Variants in PRKAG2 observed in about 807,000 individuals in gnomAD.
PRKAG2 encodes the protein protein kinase AMP-activated non-catalytic subunit gamma 2, also known as 5'-AMP-activated protein kinase subunit gamma-2.
A neutral mutation model predicts 69.6 loss-of-function variants in PRKAG2; 26 were observed. That is an observed-to-expected ratio of 0.37 (90% CI 0.27 to 0.52). The LOEUF is 0.52. Ranked by LOEUF, PRKAG2 falls within the 20% of genes least tolerant of loss-of-function variation. The probability of loss-of-function intolerance (pLI) is 0.90; values close to 1 mark genes in which losing one functional copy is unlikely to be tolerated. For synonymous variants in PRKAG2, 293 were observed against 285.0 expected (o/e 1.03, Z -0.28); for missense variants, 557 against 740.0 (o/e 0.75, Z 2.87).
intron 3 of PRKAG2, among the ~76,000 whole-genome samples, chr7:151,757,278 C>G (rs568694686): frequency 6.6e-6 from 1 of 152,274 alleles, no homozygotes; most frequent in African/African-American, 2.4e-5. Context: ...AAAATAAACT[C>G]AAGTTGCTGG....
At chr7:151,566,713 GAAA>G in intron 11 of PRKAG2, 1 of 287,434 alleles carries the variant, frequency 3.5e-6, no homozygotes, top group Non-Finnish European at 6.9e-6. Flanking sequence ...GAAATTTAGA[GAAA>G]AAAAAAAAGA....
chr7:151,587,705 C>T (rs1045885620), intron 6 of PRKAG2, among the ~76,000 whole-genome samples: 5 of 152,124 alleles, frequency 3.3e-5, no homozygotes, highest in South Asian at 2.1e-4. Flanking sequence ...TCCTCAAAAC[C>T]GTCAAGGTGT....
chr7:151,595,597 T>A lies in PRKAG2; in HGVS notation c.755-143A>T, dbSNP rs17848605. On this transcript the variant is annotated intron_variant, in intron 5 of 15. Transcript: ENST00000287878. ...AGTATGATCAAGGGCCAGGCAAGGA[T>A]GCTCACTCTCACTAATTCTATGAAC... 548 of 689,944 alleles carry A rather than the reference T, an allele frequency of 7.9e-4. 4 individuals carry two copies. In the East Asian group the frequency reaches 0.013, roughly 16 times the overall value. 42.7% of individuals were successfully genotyped at this position (689,944 alleles called of 1,614,324 possible). A position where few individuals can be genotyped will look rare whatever the true frequency, so the allele number is the denominator to read the frequency against.
At chr7:151,710,885 A>T (rs58090946) in intron 3 of PRKAG2, among the ~76,000 whole-genome samples, 2,967 of 152,300 alleles carry the variant, frequency 0.019, 93 homozygotes, top group African/African-American at 0.068. Context: ...GTAGGCAGAG[A>T]GTGTCAGCAG....
intron 1 of PRKAG2, among the ~76,000 whole-genome samples, chr7:151,802,913 T>C (rs1267936376): frequency 6.6e-6 from 1 of 151,074 alleles, no homozygotes; most frequent in Non-Finnish European, 1.5e-5. Context: ...GTTAAAGTTA[T>C]CATAGACATA....
At chr7:151,786,373 G>A (rs1326517969) in intron 2 of PRKAG2, 97 bp downstream of exon 2, 15 of 1,211,378 alleles carry the variant, frequency 1.2e-5, no homozygotes, top group East Asian at 7.5e-5. Flanking sequence ...GCGGGTGGGC[G>A]TGAGGGTGAA....
At chr7:151,560,300 G>T in intron 15 of PRKAG2, 1 of 1,443,116 alleles carries the variant, frequency 6.9e-7, no homozygotes, top group Non-Finnish European at 9.2e-7. Context: ...ACTGGACCTT[G>T]ATAGGATGCT....
At chr7:151,739,887 G>C (rs937991382) in intron 3 of PRKAG2, among the ~76,000 whole-genome samples, 1 of 152,152 alleles carries the variant, frequency 6.6e-6, no homozygotes, top group Non-Finnish European at 1.5e-5. Context: ...TCCAGAGACC[G>C]TGCCTTCCCC....
intron 14 of PRKAG2, 32 bp downstream of exon 14, chr7:151,564,046 T>C: frequency 6.2e-7 from 1 of 1,613,620 alleles, no homozygotes; most frequent in Non-Finnish European, 8.5e-7. Context: ...GCAGTGGACG[T>C]CGGGGGAGCA....
chr7:151,796,994 C>T (rs1301801966), intron 1 of PRKAG2, among the ~76,000 whole-genome samples: 2 of 152,124 alleles, frequency 1.3e-5, no homozygotes, highest in Non-Finnish European at 2.9e-5. Flanking sequence ...CCAGCCAATA[C>T]CAGCATAGAG....
intron 1 of PRKAG2, among the ~76,000 whole-genome samples, chr7:151,866,967 G>A (rs2080094827): frequency 6.6e-6 from 1 of 151,998 alleles, no homozygotes; most frequent in African/African-American, 2.4e-5. Flanking sequence ...AGCAGGCCTG[G>A]GTCCCAGAGC....
At chr7:151,649,983 C>T (rs576430540) in intron 4 of PRKAG2, among the ~76,000 whole-genome samples, 14 of 152,278 alleles carry the variant, frequency 9.2e-5, no homozygotes, top group Admixed American at 2.0e-4. Flanking sequence ...CCCTCACCTC[C>T]CCGACACACA....
chr7:151,762,097 C>T (rs953672405), intron 3 of PRKAG2, among the ~76,000 whole-genome samples: 29 of 152,168 alleles, frequency 1.9e-4, no homozygotes, highest in Admixed American at 3.9e-4. Flanking sequence ...AGCCACTGTC[C>T]GATGGGTTAG....
chr7:151,854,929 TAC>T lies in PRKAG2; in HGVS notation c.114+21576_114+21577del, dbSNP rs538152829. On this transcript the variant is annotated intron_variant, in intron 1 of 15. Transcript: ENST00000287878. ...GCTGGGGAAAGCACACACACCACTT[TAC>T]ACACACACCACCCTCCACCACTCTC... 1.4e-3 allele frequency among the ~76,000 whole-genome samples: 206 copies of T among 148,362 alleles called. 1 individual carries two copies. Among genetic ancestry groups the T allele is most frequent in the Non-Finnish European group, 2.4e-3 (154 of 65,516 alleles).
chr7:151,708,325 T>C (rs1170949820), intron 3 of PRKAG2, among the ~76,000 whole-genome samples: 2 of 152,188 alleles, frequency 1.3e-5, no homozygotes, highest in Non-Finnish European at 2.9e-5. Flanking sequence ...ACTCCTGGTG[T>C]CAGGCCTTGC....
At chr7:151,812,222 T>C (rs552398565) in intron 1 of PRKAG2, among the ~76,000 whole-genome samples, 2 of 152,298 alleles carry the variant, frequency 1.3e-5, no homozygotes, top group East Asian at 3.9e-4. Flanking sequence ...CACAATTTAA[T>C]ACAAAGTAAT....
rs2078963634 is a variant in PRKAG2 at position 151,828,855 on chromosome 7, G to GAGCT, written c.115-42318_115-42315dup. ...AAGCTCAGGAGTTTGAGGCTGCAGTGAGCTATGATCACACCAATGTACTCC... is the reference window on the plus strand; with the variant it reads ...AAGCTCAGGAGTTTGAGGCTGCAGTGAGCTAGCTATGATCACACCAATGTACTCC... On this transcript the variant is annotated intron_variant, in intron 1 of 15. Coordinates refer to ENST00000287878, the MANE Select transcript of PRKAG2 (RefSeq NM_016203.4). The surrounding 1 kb of genome is among the most constrained non-coding windows in gnomAD (Gnocchi z 4.6). 1.3e-5 allele frequency among the ~76,000 whole-genome samples: 2 copies of GAGCT among 152,162 alleles called. No homozygotes were observed. The highest frequency in any genetic ancestry group is 2.9e-5 in the Non-Finnish European group (2 of 68,036).
intron 3 of PRKAG2, among the ~76,000 whole-genome samples, chr7:151,726,990 C>T (rs919838757): frequency 1.1e-4 from 17 of 151,954 alleles, no homozygotes; most frequent in African/African-American, 2.9e-4. Flanking sequence ...CCAAGGCGGG[C>T]GGATCACCTG....
At position 151,557,145 on chromosome 7, in the gene PRKAG2, C is replaced by T. The variant is rs141781827; in HGVS notation, c.*56G>A. 13,079 of 1,613,724 alleles carry T rather than the reference C, an allele frequency of 8.1e-3. 133 individuals carry two copies. The highest frequency in any genetic ancestry group is 0.042 in the Middle Eastern group (256 of 6,060). ...TGCAGCCAGTGTTCATGAGGCAAAACGTGACCCAGAGACTTTGTTCAAGTT... is the reference window on the plus strand; with the variant it reads ...TGCAGCCAGTGTTCATGAGGCAAAATGTGACCCAGAGACTTTGTTCAAGTT... On this transcript the variant is annotated 3_prime_UTR_variant, in exon 16 of 16. Coordinates refer to ENST00000287878, the MANE Select transcript of PRKAG2 (RefSeq NM_016203.4).
Sources: allele counts gnomAD v4.1 joint callset (sites outside exome capture counted in the v4.1 genomes callset), GRCh38; gene constraint gnomAD v4.1.1; non-coding constraint Gnocchi (gnomAD v3.1); transcripts MANE v1.5; gene names NCBI Gene and HGNC (gene_info 2026-07-23, HGNC 2026-07-21).